Variants in OTUD7A observed in about 807,000 individuals in gnomAD.
The protein encoded by OTUD7A is OTU domain-containing protein 7A.
Under a neutral mutation model 65.7 loss-of-function variants are expected in OTUD7A, and 12 were observed. That is an observed-to-expected ratio of 0.18 (90% CI 0.12 to 0.30). The LOEUF (loss-of-function observed/expected upper bound fraction) is 0.30, where lower values mean the gene tolerates loss of function less well. Ranked by LOEUF, OTUD7A falls within the 10% of genes least tolerant of loss-of-function variation. The pLI is 1.00. For synonymous variants in OTUD7A, 641 were observed against 586.3 expected, an observed-to-expected ratio of 1.09 and a Z score of -1.35; for missense variants, 1,148 against 1,304.8, an observed-to-expected ratio of 0.88 and a Z score of 1.85.
chr15:31,824,593 T>C (rs756278143), intron 1 of OTUD7A, among the ~76,000 whole-genome samples: 2 of 152,222 alleles, frequency 1.3e-5, no homozygotes, highest in Non-Finnish European at 2.9e-5. Flanking sequence ...TTTTTTAAAA[T>C]AGCCTCTTCG....
At chr15:31,828,638 G>A (rs1011543437) in intron 1 of OTUD7A, among the ~76,000 whole-genome samples, 4 of 152,170 alleles carry the variant, frequency 2.6e-5, no homozygotes, top group Non-Finnish European at 5.9e-5. Flanking sequence ...TGGAGAAAAC[G>A]GGTGAAATAA....
intron 1 of OTUD7A, among the ~76,000 whole-genome samples, chr15:31,794,631 GAAA>G (rs66726796): frequency 1.4e-4 from 20 of 142,600 alleles, no homozygotes; most frequent in African/African-American, 3.4e-4. Context: ...ATAGAATAGT[GAAA>G]AAAAAAAAAA....
chr15:31,573,451 GA>G (rs1889112664), intron 3 of OTUD7A, among the ~76,000 whole-genome samples: 1 of 152,128 alleles, frequency 6.6e-6, no homozygotes, highest in Non-Finnish European at 1.5e-5. Flanking sequence ...CACATCTAAG[GA>G]AAAGCAAAGG....
intron 1 of OTUD7A, among the ~76,000 whole-genome samples, chr15:31,688,071 C>G (rs1287244245): frequency 3.3e-5 from 5 of 152,082 alleles, no homozygotes; most frequent in Admixed American, 2.6e-4. Flanking sequence ...CAAAAATTAG[C>G]TGGGCGTGGT....
intron 1 of OTUD7A, among the ~76,000 whole-genome samples, chr15:31,771,332 A>G (rs73378679): frequency 0.018 from 2,743 of 152,246 alleles, 83 homozygotes; most frequent in African/African-American, 0.062. Context: ...GGCATCTCAA[A>G]CTTAATATGC....
chr15:31,866,223 G>C (rs1897871683), intron 1 of OTUD7A, among the ~76,000 whole-genome samples: 1 of 152,204 alleles, frequency 6.6e-6, no homozygotes, highest in Non-Finnish European at 1.5e-5. Flanking sequence ...AGATGCATGG[G>C]AGACTAACTC....
At chr15:31,683,553 T>C (rs1396809714) in intron 1 of OTUD7A, among the ~76,000 whole-genome samples, 7 of 152,192 alleles carry the variant, frequency 4.6e-5, no homozygotes, top group African/African-American at 1.4e-4. Flanking sequence ...TCTATTTTAA[T>C]ATGGTTGTGG....
chr15:31,815,424 G>A (rs1030154978), intron 1 of OTUD7A, among the ~76,000 whole-genome samples: 2 of 152,162 alleles, frequency 1.3e-5, no homozygotes, highest in African/African-American at 2.4e-5. Flanking sequence ...ATCCCTCAAG[G>A]GTGGCTGGGG....
chr15:31,632,065 G>C (rs999464687), intron 3 of OTUD7A, among the ~76,000 whole-genome samples: 1 of 151,722 alleles, frequency 6.6e-6, no homozygotes, highest in African/African-American at 2.4e-5. Flanking sequence ...TAGTTTGATC[G>C]TCTGAAGCCT....
chr15:31,605,634 T>C (rs7170060), intron 3 of OTUD7A, among the ~76,000 whole-genome samples: 32,807 of 152,210 alleles, frequency 0.22, 3,762 homozygotes, highest in African/African-American at 0.26. Context: ...CCTGCAATCA[T>C]GGAACAAATC....
At chr15:31,566,140 G>A (rs1386406326) in intron 4 of OTUD7A, among the ~76,000 whole-genome samples, 1 of 150,846 alleles carries the variant, frequency 6.6e-6, no homozygotes, top group Admixed American at 6.6e-5. Flanking sequence ...GCAGTGAGCC[G>A]AGATTGCGCC....
At chr15:31,689,953 C>A (rs189111520) in intron 1 of OTUD7A, among the ~76,000 whole-genome samples, 1 of 152,230 alleles carries the variant, frequency 6.6e-6, no homozygotes, top group East Asian at 1.9e-4. Context: ...GAACCAGGTA[C>A]ACCCCATCTC....
At chr15:31,749,052 A>G (rs1282364191) in intron 1 of OTUD7A, among the ~76,000 whole-genome samples, 1 of 148,246 alleles carries the variant, frequency 6.7e-6, no homozygotes, top group Non-Finnish European at 1.5e-5. Flanking sequence ...AAAACCAAAT[A>G]CCGCATGTTC....
chr15:31,650,880 A>G (rs1236766337), intron 3 of OTUD7A, among the ~76,000 whole-genome samples: 3 of 144,644 alleles, frequency 2.1e-5, no homozygotes, highest in Non-Finnish European at 4.5e-5. Flanking sequence ...TTGCAAAGAA[A>G]TGGAAGATAT....
intron 5 of OTUD7A, 157 bp downstream of exon 5, chr15:31,558,812 C>T (rs1888584355): frequency 1.3e-6 from 1 of 773,956 alleles, no homozygotes; most frequent in Non-Finnish European, 2.1e-6. Flanking sequence ...CACTGTCGGC[C>T]CGTAGAGCAG....
intron 1 of OTUD7A, among the ~76,000 whole-genome samples, chr15:31,700,573 A>G (rs1419575884): frequency 2.0e-5 from 3 of 152,122 alleles, no homozygotes; most frequent in African/African-American, 7.2e-5. Flanking sequence ...CTTTCTCTGT[A>G]TCTCTCACTC....
At chr15:31,660,411 C>T (rs191447034) in intron 1 of OTUD7A, among the ~76,000 whole-genome samples, 32 of 152,322 alleles carry the variant, frequency 2.1e-4, no homozygotes, top group African/African-American at 7.5e-4. Context: ...AACACATCTT[C>T]CAGAGCATCT....
In OTUD7A at chr15:31,484,437, G is replaced by T. The variant is rs746890431; in HGVS notation, c.1659C>A (p.Ala553=). 5.0e-6 allele frequency: 8 copies of T among 1,603,318 alleles called. 1 individual carries two copies. The South Asian group carries it at 8.8e-5, about 18-fold the overall frequency. Residue 553 remains alanine, a synonymous_variant, in exon 13 of 13, where the codon GCC becomes GCA. Transcript: ENST00000307050. The surrounding 1 kb of genome is among the most constrained non-coding windows in gnomAD (Gnocchi z 4.5). ...CCCCGTTCTTGCCATTGGCGGAGTT[G>T]GCGCGGCCCATCTTGCCGTGCACCA... The part of the protein sequence containing the change: ...GGLVHGKMGR[A]NSANGKNGDS...
At chr15:31,675,289 T>A (rs897991151) in intron 1 of OTUD7A, among the ~76,000 whole-genome samples, 8 of 151,904 alleles carry the variant, frequency 5.3e-5, no homozygotes, top group Non-Finnish European at 1.2e-4. Context: ...GTCTGTGGGG[T>A]TCTAGAGATG....
Sources: allele counts gnomAD v4.1 joint callset (sites outside exome capture counted in the v4.1 genomes callset), GRCh38; gene constraint gnomAD v4.1.1; non-coding constraint Gnocchi (gnomAD v3.1); transcripts MANE v1.5; gene names NCBI Gene and HGNC (gene_info 2026-07-23, HGNC 2026-07-21).